ZNF214: variants seen among roughly 807,000 people sequenced by gnomAD.
The protein encoded by ZNF214 is BWSCR2-associated zinc finger protein 1.
A neutral mutation model predicts 53.9 loss-of-function variants in ZNF214; 43 were observed. That is an observed-to-expected ratio of 0.80 (90% CI 0.63 to 1.03). The LOEUF is 1.03. Among genes scored for constraint, ZNF214 ranks in the 50% least tolerant of loss-of-function variants. The probability of loss-of-function intolerance (pLI) is 0.00; values close to 1 mark genes in which losing one functional copy is unlikely to be tolerated. For missense variants in ZNF214, 724 were observed against 719.1 expected (o/e 1.01, Z -0.08); for synonymous variants, 217 against 229.5 (o/e 0.95, Z 0.49).
intron 1 of ZNF214, among the ~76,000 whole-genome samples, chr11:7,017,218 C>T (rs192233834): frequency 3.3e-5 from 5 of 152,110 alleles, no homozygotes; most frequent in African/African-American, 1.2e-4. Context: ...ACTTAATACT[C>T]AGTGCTGGCA....
At position 6,999,993 on chromosome 11, in the gene ZNF214, T is replaced by A; in HGVS notation, c.1690A>T (p.Ser564Cys). The A allele has an allele frequency of 6.2e-7, 1 of 1,613,330 alleles. No individual in the cohort carries two copies. ...YQCAKCGKGF[S>C]HSSALRIHQR... ...TGAATTCGAAGAGCTGAGCTATGACTGAAACCTTTACCACACTTAGCACAT... is the reference window on the plus strand; with the variant it reads ...TGAATTCGAAGAGCTGAGCTATGACAGAAACCTTTACCACACTTAGCACAT... Residue 564 changes from serine to cysteine, a missense_variant, in exon 3 of 3, where the codon AGT becomes TGT. By Grantham distance (112) the Ser-to-Cys change is moderately radical. Coordinates refer to ENST00000278314, the MANE Select transcript of ZNF214 (RefSeq NM_013249.4).
At chr11:7,014,645 T>G (rs548525408) in intron 1 of ZNF214, among the ~76,000 whole-genome samples, 34 of 152,128 alleles carry the variant, frequency 2.2e-4, no homozygotes, top group African/African-American at 7.9e-4. Flanking sequence ...AAAGAAATTC[T>G]GGAGTCATCA....
chr11:7,000,461 G>A lies in ZNF214; in HGVS notation c.1222C>T (p.His408Tyr). 5.0e-6 allele frequency: 8 copies of A among 1,613,312 alleles called. No individual in the cohort carries two copies. The highest frequency in any genetic ancestry group is 6.8e-6 in the Non-Finnish European group (8 of 1,179,564). Residue 408 changes from histidine to tyrosine, a missense_variant, in exon 3 of 3, where the codon CAC becomes TAC. His to Tyr is a moderately conservative substitution (Grantham distance 83). Coordinates refer to ENST00000278314, the MANE Select transcript of ZNF214 (RefSeq NM_013249.4). ...CATTTATAAGACTTCTCTCCTGTGTGTACTAACTGATGAATTCGAAGATTT... is the reference window on the plus strand; with the variant it reads ...CATTTATAAGACTTCTCTCCTGTGTATACTAACTGATGAATTCGAAGATTT... ...SSNLRIHQLV[H>Y]TGEKSYKCED...
chr11:7,005,898 T>C (rs953930111), intron 1 of ZNF214, among the ~76,000 whole-genome samples: 1 of 152,074 alleles, frequency 6.6e-6, no homozygotes, highest in Non-Finnish European at 1.5e-5. Flanking sequence ...GTAATCCTAA[T>C]GAAAAAGATA....
intron 1 of ZNF214, among the ~76,000 whole-genome samples, chr11:7,017,820 C>G (rs923467722): frequency 1.3e-5 from 2 of 151,636 alleles, no homozygotes; most frequent in African/African-American, 4.8e-5. Flanking sequence ...CTCATGCTAC[C>G]AAAACATGCT....
chr11:7,001,665 G>A (rs1851358594), intron 2 of ZNF214, 110 bp from the exon 3 acceptor site: 2 of 1,304,008 alleles, frequency 1.5e-6, no homozygotes, highest in Non-Finnish European at 2.0e-6. Context: ...GTGGCTGGGG[G>A]TAGGAAAGAA....
chr11:7,002,228 C>A (rs575402503), intron 2 of ZNF214, among the ~76,000 whole-genome samples: 173 of 152,126 alleles, frequency 1.1e-3, no homozygotes, highest in African/African-American at 4.0e-3. Flanking sequence ...TCCACTGATA[C>A]TGAGCCGACT....
chr11:7,005,712 T>G (rs890256875), intron 1 of ZNF214, among the ~76,000 whole-genome samples: 2 of 152,116 alleles, frequency 1.3e-5, no homozygotes, highest in Admixed American at 6.6e-5. Flanking sequence ...AAGATTCTCT[T>G]AAACCTTTCA....
intron 2 of ZNF214, among the ~76,000 whole-genome samples, chr11:7,002,188 G>C (rs145227496): frequency 5.3e-5 from 8 of 152,082 alleles, no homozygotes; most frequent in Non-Finnish European, 1.0e-4. Flanking sequence ...TGTTTGAAGA[G>C]AGATATATGG....
At position 7,000,086 on chromosome 11, in the gene ZNF214, T is replaced by C. The variant is rs1277861256; in HGVS notation, c.1597A>G (p.Lys533Glu). The change falls in exon 3 of 3, where the codon AAG becomes GAG. Residue 533 changes from lysine to glutamate, a missense_variant. By Grantham distance (56) the Lys-to-Glu change is moderately conservative (BLOSUM62 1). Transcript: ENST00000278314. ...EKPYKCHDCG[K>E]GFSHSSNLHI... ...AGATTAGAACTGTGACTAAAACCCT[T>C]TCCACAATCATGACATTTATAGGGC... 5 of 1,613,304 alleles carry C rather than the reference T, an allele frequency of 3.1e-6. No individual in the cohort carries two copies. Among genetic ancestry groups the C allele is most frequent in the Non-Finnish European group, 4.2e-6 (5 of 1,179,602 alleles).
chr11:7,000,605 A>C lies in ZNF214; in HGVS notation c.1078T>G (p.Cys360Gly). The C allele has an allele frequency of 6.2e-7, 1 of 1,609,090 alleles. No homozygotes were observed. The highest frequency in any genetic ancestry group is 8.5e-7 in the Non-Finnish European group (1 of 1,178,148). ...TTAAAACTCTTACCACACTGATTAC[A>C]TTTAAAAGGCTTCTCTCCTATGTGA... ...RLHIGEKPFK[C>G]NQCGKSFNRS... Residue 360 changes from cysteine to glycine, a missense_variant, in exon 3 of 3, where the codon TGT becomes GGT. Transcript: ENST00000278314.
chr11:7,001,389 T>G lies in ZNF214; in HGVS notation c.294A>C (p.Gln98His), dbSNP rs754284271. The G allele has an allele frequency of 1.5e-5, 24 of 1,613,160 alleles. No individual in the cohort carries two copies. In the African/African-American group the frequency reaches 3.2e-4, roughly 22 times the overall value. ...ACCATTCCTGACACTGGGAACGATCTTGCTGTGTGAGGTCTTTGGAATCTG... is the reference window on the plus strand; with the variant it reads ...ACCATTCCTGACACTGGGAACGATCGTGCTGTGTGAGGTCTTTGGAATCTG... ...QGTDSKDLTQ[Q>H]DRSQCQEWLI... Residue 98 changes from glutamine to histidine, a missense_variant, in exon 3 of 3, where the codon CAA (glutamine) becomes CAC (histidine). Gln to His is a conservative substitution (Grantham distance 24). Coordinates refer to ENST00000278314, the MANE Select transcript of ZNF214 (RefSeq NM_013249.4).
intron 1 of ZNF214, chr11:7,019,837 C>G (rs1035269938): frequency 1.3e-5 from 2 of 152,226 alleles, no homozygotes; most frequent in Admixed American, 6.5e-5. Flanking sequence ...TTTGGGCTCC[C>G]CCAACGCGTC....
rs1564988827 is a variant in ZNF214, at chr11:7,000,273, A to G, written c.1410T>C (p.Tyr470=). The change falls in exon 3 of 3, where the codon TAT becomes TAC. Residue 470 remains tyrosine (Y), a synonymous_variant. Transcript: ENST00000278314. ...HQRVHTGEKP[Y]TCPECGKGFS... ...AGCCCTTCCCACATTCAGGACAAGT[A>G]TAGGGTTTCTCCCCTGTATGGACTC... is the stretch of plus-strand genomic sequence containing the variant. The G allele has an allele frequency of 6.2e-7, 1 of 1,613,252 alleles. No individual in the cohort carries two copies. The highest frequency in any genetic ancestry group is 8.5e-7 in the Non-Finnish European group (1 of 1,179,612).
chr11:7,018,782 G>A (rs1244208548), intron 1 of ZNF214, among the ~76,000 whole-genome samples: 4 of 152,152 alleles, frequency 2.6e-5, no homozygotes, highest in African/African-American at 4.8e-5. Flanking sequence ...GATTACAGGC[G>A]TGAGCCACCG....
At chr11:7,005,035 T>A (rs1220676401) in intron 1 of ZNF214, among the ~76,000 whole-genome samples, 1 of 152,116 alleles carries the variant, frequency 6.6e-6, no homozygotes, top group East Asian at 1.9e-4. Flanking sequence ...TTAATGGACG[T>A]TAAGATCATT....
At chr11:7,016,805 T>C (rs1257335078) in intron 1 of ZNF214, among the ~76,000 whole-genome samples, 1 of 152,112 alleles carries the variant, frequency 6.6e-6, no homozygotes, top group Non-Finnish European at 1.5e-5. Flanking sequence ...TCTTGATAGA[T>C]TTAAAAATTA....
rs1851246605 is a variant in ZNF214, at chr11:6,998,836, C to A, written c.*1026G>T. 6.6e-6 allele frequency among the ~76,000 whole-genome samples: 1 copy of A among 151,898 alleles called. No individual in the cohort carries two copies. Among genetic ancestry groups the A allele is most frequent in the Non-Finnish European group, 1.5e-5 (1 of 67,898 alleles). On this transcript the variant is annotated 3_prime_UTR_variant, in exon 3 of 3. Transcript: ENST00000278314. ...TTCCCTCTAATTTTCCTAAACATGT[C>A]CACTTTTTTTTCTCTTGGTATTACT... is the stretch of plus-strand genomic sequence containing the variant.
At chr11:7,006,146 T>G (rs1391448332) in intron 1 of ZNF214, among the ~76,000 whole-genome samples, 1 of 152,108 alleles carries the variant, frequency 6.6e-6, no homozygotes, top group Non-Finnish European at 1.5e-5. Context: ...TCCCTTCAGG[T>G]TGGCTCCTGG....
Sources: gnomAD v4.1 joint callset for allele counts (sites outside exome capture counted in the v4.1 genomes callset) on GRCh38, gnomAD v4.1.1 for gene constraint, MANE v1.5 for transcripts, NCBI Gene and HGNC (gene_info 2026-07-23, HGNC 2026-07-21) for gene names.